CACNA2D1: variants seen among roughly 807,000 people sequenced by gnomAD.
CACNA2D1 encodes the protein calcium voltage-gated channel auxiliary subunit alpha2delta 1.
CACNA2D1 carries 53 observed loss-of-function variants against 171.5 expected under a neutral mutation model. That is an observed-to-expected ratio of 0.31 (90% CI 0.25 to 0.39). The LOEUF is 0.39. Ranked by LOEUF, CACNA2D1 falls within the 10% of genes least tolerant of loss-of-function variation. The probability of loss-of-function intolerance (pLI) is 1.00; values close to 1 mark genes in which losing one functional copy is unlikely to be tolerated. For synonymous variants in CACNA2D1, 442 were observed against 443.1 expected, an observed-to-expected ratio of 1.00 and a Z score of 0.03; for missense variants, 903 against 1,299.8, an observed-to-expected ratio of 0.69 and a Z score of 4.69.
chr7:82,188,023 CCTT>C (rs1430323348), intron 3 of CACNA2D1, among the ~76,000 whole-genome samples: 1 of 152,128 alleles, frequency 6.6e-6, no homozygotes, highest in African/African-American at 2.4e-5. Context: ...CATATTTTCT[CCTT>C]CTATAAAATA....
chr7:82,230,761 G>T (rs949928971), intron 3 of CACNA2D1, among the ~76,000 whole-genome samples: 3 of 152,196 alleles, frequency 2.0e-5, no homozygotes, highest in East Asian at 3.9e-4. Flanking sequence ...TATGTAAAAG[G>T]TAATTTACAT....
chr7:82,437,367 T>C (rs1235852135), intron 1 of CACNA2D1, among the ~76,000 whole-genome samples: 3 of 152,120 alleles, frequency 2.0e-5, no homozygotes. Context: ...AAATAGACAG[T>C]AAGATTATCC....
At chr7:82,094,715 T>G (rs1320789597) in intron 6 of CACNA2D1, among the ~76,000 whole-genome samples, 4 of 54,460 alleles carry the variant, frequency 7.3e-5, no homozygotes, top group African/African-American at 5.5e-4. Flanking sequence ...AAGCTCAAAT[T>G]ATTCTGACAT....
rs573608176 is a variant in CACNA2D1 at position 81,960,957 on chromosome 7, C to G, written c.2966+937G>C. Among the ~76,000 whole-genome samples the G allele has an allele frequency of 1.2e-3, 189 of 152,058 alleles. 1 individual carries two copies. The highest frequency in any genetic ancestry group is 2.1e-3 in the Non-Finnish European group (145 of 67,962). On this transcript the variant is annotated intron_variant, in intron 36 of 38. Coordinates refer to ENST00000356860, the MANE Select transcript of CACNA2D1 (RefSeq NM_000722.4). The stretch of plus-strand genomic sequence containing the variant: ...CTACCTCCTCCTTGGAGATAGAGGT[C>G]TGCTAAAGAAAGTCATAAAACATAC...
At chr7:82,297,449 A>T (rs1282408185) in intron 3 of CACNA2D1, among the ~76,000 whole-genome samples, 1 of 152,186 alleles carries the variant, frequency 6.6e-6, no homozygotes, top group African/African-American at 2.4e-5. Context: ...TCACATAATT[A>T]GAAGTGTGTT....
chr7:82,321,962 T>C (rs376596875), intron 3 of CACNA2D1, among the ~76,000 whole-genome samples: 2,411 of 149,822 alleles, frequency 0.016, 68 homozygotes, highest in South Asian at 0.093. Flanking sequence ...CCGTCTCTAC[T>C]AAAAATACAA....
At chr7:82,370,178 CAT>C (rs1307846458) in intron 1 of CACNA2D1, among the ~76,000 whole-genome samples, 9 of 151,900 alleles carry the variant, frequency 5.9e-5, no homozygotes, top group African/African-American at 1.9e-4. Flanking sequence ...TTACAGAACT[CAT>C]AGTTAATGTA....
chr7:82,192,380 G>A (rs1798385701), intron 3 of CACNA2D1, among the ~76,000 whole-genome samples: 1 of 148,928 alleles, frequency 6.7e-6, no homozygotes, highest in Non-Finnish European at 1.5e-5. Flanking sequence ...AAGTTATCTA[G>A]TTAACAAAAA....
At chr7:82,017,807 C>T (rs1800687497) in intron 12 of CACNA2D1, among the ~76,000 whole-genome samples, 1 of 152,070 alleles carries the variant, frequency 6.6e-6, no homozygotes, top group African/African-American at 2.4e-5. Context: ...ACAAAAATAA[C>T]TCAAAATGCT....
At chr7:82,091,559 A>T (rs1811166371) in intron 6 of CACNA2D1, among the ~76,000 whole-genome samples, 1 of 152,204 alleles carries the variant, frequency 6.6e-6, no homozygotes, top group Non-Finnish European at 1.5e-5. Flanking sequence ...TATTAAAGAA[A>T]ACAAGGGTAA....
At position 82,076,828 on chromosome 7, in the gene CACNA2D1, G is replaced by A. The variant is rs373828416; in HGVS notation, c.658+7941C>T. On this transcript the variant is annotated intron_variant, in intron 7 of 38. Transcript: ENST00000356860. The stretch of plus-strand genomic sequence containing the variant: ...TTACTTTTTCTATAACAAACTATTG[G>A]ATTAACTGACCTCACTAGTCTCCAG... Among the ~76,000 whole-genome samples, 394 of 152,142 alleles carry A rather than the reference G, an allele frequency of 2.6e-3. 3 individuals carry two copies. The highest frequency in any genetic ancestry group is 9.1e-3 in the African/African-American group (378 of 41,518).
chr7:81,957,135 AAATT>A (rs1793485993), intron 38 of CACNA2D1, among the ~76,000 whole-genome samples: 1 of 152,132 alleles, frequency 6.6e-6, no homozygotes, highest in Non-Finnish European at 1.5e-5. Flanking sequence ...TTTTGTAAAT[AAATT>A]GAGATAACCA....
chr7:82,273,798 G>A (rs1041842283), intron 3 of CACNA2D1, among the ~76,000 whole-genome samples: 2 of 152,150 alleles, frequency 1.3e-5, no homozygotes, highest in African/African-American at 4.8e-5. Context: ...GCATACAGGT[G>A]CACGTGATTA....
intron 1 of CACNA2D1, among the ~76,000 whole-genome samples, chr7:82,434,299 A>T (rs960268499): frequency 1.2e-4 from 18 of 152,128 alleles, no homozygotes; most frequent in African/African-American, 3.9e-4. Flanking sequence ...ACAATCTACA[A>T]TCCCAAACGG....
intron 3 of CACNA2D1, among the ~76,000 whole-genome samples, chr7:82,301,124 T>C (rs1425722352): frequency 2.6e-5 from 4 of 152,206 alleles, no homozygotes; most frequent in African/African-American, 9.6e-5. Context: ...TAATTTATTT[T>C]TCTTTTTGAT....
chr7:82,139,153 G>C (rs1792060112), intron 4 of CACNA2D1, among the ~76,000 whole-genome samples: 1 of 152,008 alleles, frequency 6.6e-6, no homozygotes, highest in Non-Finnish European at 1.5e-5. Context: ...GTAAAATAAT[G>C]GATACAAATC....
At chr7:82,232,046 A>G (rs372105939) in intron 3 of CACNA2D1, among the ~76,000 whole-genome samples, 12 of 152,256 alleles carry the variant, frequency 7.9e-5, no homozygotes, top group African/African-American at 2.9e-4. Flanking sequence ...TTACTATTCC[A>G]TCTTTGTGGC....
intron 3 of CACNA2D1, among the ~76,000 whole-genome samples, chr7:82,273,720 G>A (rs1439196286): frequency 6.6e-6 from 1 of 152,000 alleles, no homozygotes; most frequent in Non-Finnish European, 1.5e-5. Context: ...GCAAATGAAG[G>A]GTATAATTCC....
At chr7:82,443,810 C>G, upstream of CACNA2D1, 1 of 847,284 alleles carries the variant, frequency 1.2e-6, no homozygotes, top group South Asian at 6.1e-5. Flanking sequence ...ATTTATTCCC[C>G]CGATTGCCGA....
Sources: gnomAD v4.1 joint callset for allele counts (sites outside exome capture counted in the v4.1 genomes callset) on GRCh38, gnomAD v4.1.1 for gene constraint, MANE v1.5 for transcripts, NCBI Gene and HGNC (gene_info 2026-07-23, HGNC 2026-07-21) for gene names.